HSPH1: variants seen among roughly 807,000 people sequenced by gnomAD.
The protein encoded by HSPH1 is heat shock protein 105 kDa.
In HSPH1, 40 loss-of-function variants were observed where a neutral mutation model predicts 100.0. That is an observed-to-expected ratio of 0.40 (90% CI 0.31 to 0.52). The LOEUF (loss-of-function observed/expected upper bound fraction) is 0.52, where lower values mean the gene tolerates loss of function less well. HSPH1 is among the 20% of genes least tolerant of loss of function. The pLI, the probability that HSPH1 is intolerant of heterozygous loss-of-function variation, is 0.54. For synonymous variants in HSPH1, 403 were observed against 344.0 expected, an observed-to-expected ratio of 1.17 and a Z score of -1.90; for missense variants, 876 against 1,015.1, an observed-to-expected ratio of 0.86 and a Z score of 1.86.
chr13:31,141,301 C>T, intron 12 of HSPH1, 42 bp from the exon 13 acceptor site: 1 of 1,534,354 alleles, frequency 6.5e-7, no homozygotes, highest in Non-Finnish European at 8.8e-7. Flanking sequence ...TTTAAACAAC[C>T]CACTTGGAAA....
intron 4 of HSPH1, among the ~76,000 whole-genome samples, chr13:31,153,662 T>C (rs1387795740): frequency 1.3e-5 from 2 of 152,122 alleles, no homozygotes; most frequent in East Asian, 3.8e-4. Context: ...ATCATTTAAG[T>C]GCAAAGTACC....
intron 7 of HSPH1, 25 bp from the exon 8 acceptor site, chr13:31,150,207 A>G (rs759407944): frequency 5.4e-6 from 8 of 1,470,738 alleles, no homozygotes; most frequent in Non-Finnish European, 6.5e-6. Context: ...ACTTGTTTTT[A>G]GAAAAGTTAA....
At position 31,149,913 on chromosome 13, in the gene HSPH1, T is replaced by TA. The variant is rs759625744; in HGVS notation, c.1137+40dup. The stretch of plus-strand genomic sequence containing the variant: ...ATGACGACATCCAGTGGAAACTGTT[T>TA]AAAGACTGTACACCAAGCAAAAGCA... On this transcript the variant is annotated intron_variant, in intron 8 of 17. Coordinates refer to ENST00000320027, the MANE Select transcript of HSPH1 (RefSeq NM_006644.4). The TA allele has an allele frequency of 6.6e-6, 10 of 1,504,582 alleles. No individual in the cohort carries two copies. In the African/African-American group the frequency reaches 9.6e-5, roughly 14 times the overall value. The allele number at this position is 1,504,582 out of a possible 1,614,324, so 93.2% of individuals were successfully genotyped here. A position where few individuals can be genotyped will look rare whatever the true frequency, so the allele number is the denominator to read the frequency against.
Position 31,138,543 on chromosome 13 carries a change from T to G in HSPH1, c.2234A>C (p.Glu745Ala). 2 of 1,611,236 alleles carry G rather than the reference T, an allele frequency of 1.2e-6. No homozygotes were observed. Among genetic ancestry groups the G allele is most frequent in the Non-Finnish European group, 1.7e-6 (2 of 1,178,852 alleles). ...CTTCTCCACTTTTTTCATTTCAGAC[T>G]CATCAATATGGTTGTATTTCTCATC... is the stretch of plus-strand genomic sequence containing the variant. ...NKDEKYNHID[E>A]SEMKKVEKSV... The change falls in exon 17 of 18, where the codon GAG (glutamate) becomes GCG (alanine). Residue 745 changes from glutamate (E) to alanine (A), a missense_variant. Glu to Ala is a moderately radical substitution (Grantham distance 107). Transcript: ENST00000320027.
At chr13:31,161,030 T>C (rs1593221685) in intron 1 of HSPH1, among the ~76,000 whole-genome samples, 1 of 152,060 alleles carries the variant, frequency 6.6e-6, no homozygotes, top group Admixed American at 6.5e-5. Context: ...TGCGCAAAGA[T>C]ATGCGCGAAG....
At position 31,141,119 on chromosome 13, in the gene HSPH1, T is replaced by C; in HGVS notation, c.1854+3A>G. 6.4e-7 allele frequency: 1 copy of C among 1,562,090 alleles called. No homozygotes were observed. The highest frequency in any genetic ancestry group is 8.7e-7 in the Non-Finnish European group (1 of 1,151,348). Reference sequence around the variant, plus strand: ...AATAAAAATATTTAATTGAAGTACTTACCTCTGTCTCAATATACATGTTAA... The same window carrying C: ...AATAAAAATATTTAATTGAAGTACTCACCTCTGTCTCAATATACATGTTAA... On this transcript the variant is annotated splice_donor_region_variant and intron_variant, in intron 13 of 17. Coordinates refer to ENST00000320027, the MANE Select transcript of HSPH1 (RefSeq NM_006644.4).
chr13:31,154,495 TG>T, intron 4 of HSPH1, 137 bp downstream of exon 4: 1 of 984,284 alleles, frequency 1.0e-6, no homozygotes, highest in Non-Finnish European at 1.6e-6. Context: ...TGTAATGCTC[TG>T]GAACACATGT....
chr13:31,150,327 CTT>C, intron 7 of HSPH1, 145 bp from the exon 8 acceptor site: 1 of 593,588 alleles, frequency 1.7e-6, no homozygotes, highest in South Asian at 2.2e-5. Flanking sequence ...GTTTATAGCT[CTT>C]TTGTTTTTGA....
Position 31,137,524 on chromosome 13 carries a change from C to A in HSPH1, c.2371G>T (p.Glu791Ter). 6.2e-7 allele frequency: 1 copy of A among 1,606,232 alleles called. No individual in the cohort carries two copies. The highest frequency in any genetic ancestry group is 1.7e-5 in the Admixed American group (1 of 58,204). Residue 791 changes from glutamate to a stop codon, truncating the protein, a stop_gained and splice_region_variant, in exon 18 of 18, where the codon GAA becomes TAA. Transcript: ENST00000320027. LOFTEE classifies it high-confidence loss of function. ...ACGGGTTCACATGTGTTGTTCAATT[C>A]CTAAAGAAAACAAAAACTAGTTATC... is the stretch of plus-strand genomic sequence containing the variant. ...RAQEIKTKIK[E>*]LNNTCEPVVT... is the part of the protein sequence containing the mutation.
Position 31,155,631 on chromosome 13 carries a change from C to T in HSPH1, c.189G>A (p.Thr63=), listed in dbSNP as rs780286979. Reference sequence around the variant, plus strand: ...CATGAAATCTTTTGAAGTTAGACACCGTATTGTTTGCATGAGTGATTTGCT... The same window carrying T: ...CATGAAATCTTTTGAAGTTAGACACTGTATTGTTTGCATGAGTGATTTGCT... ...KNQQITHANN[T]VSNFKRFHGR... Residue 63 remains threonine (T), a synonymous_variant, in exon 3 of 18, where the codon ACG becomes ACA. Coordinates refer to ENST00000320027, the MANE Select transcript of HSPH1 (RefSeq NM_006644.4). 35 of 1,605,106 alleles carry T rather than the reference C, an allele frequency of 2.2e-5. No individual in the cohort carries two copies. The highest frequency in any genetic ancestry group is 2.9e-5 in the Non-Finnish European group (34 of 1,176,170).
At chr13:31,143,081 A>G (rs1448347702) in intron 12 of HSPH1, among the ~76,000 whole-genome samples, 2 of 152,138 alleles carry the variant, frequency 1.3e-5, no homozygotes, top group Admixed American at 6.6e-5. Flanking sequence ...CCCTCAGAAT[A>G]TAAGAGAAAC....
At position 31,150,092 on chromosome 13, in the gene HSPH1, T is replaced by C; in HGVS notation, c.999A>G (p.Glu333=). 3.1e-6 allele frequency: 5 copies of C among 1,613,744 alleles called. No homozygotes were observed. Among genetic ancestry groups the C allele is most frequent in the Non-Finnish European group, 4.2e-6 (5 of 1,179,724 alleles). The change falls in exon 8 of 18, where the codon GAA becomes GAG. Residue 333 remains glutamate, a synonymous_variant. Coordinates refer to ENST00000320027, the MANE Select transcript of HSPH1 (RefSeq NM_006644.4). Reference sequence around the variant, plus strand: ...CAACAATCTCAACTGCACTCACATCTTCTACTTTGAGATGAGTTTGTTCCA... The same window carrying C: ...CAACAATCTCAACTGCACTCACATCCTCTACTTTGAGATGAGTTTGTTCCA... ...SLLEQTHLKV[E]DVSAVEIVGG...
Position 31,155,619 on chromosome 13 carries a change from G to T in HSPH1, c.201C>A (p.Phe67Leu). 1 of 1,611,718 alleles carries T rather than the reference G, an allele frequency of 6.2e-7. No homozygotes were observed. Among genetic ancestry groups the T allele is most frequent in the South Asian group, 1.1e-5 (1 of 90,562 alleles). Residue 67 changes from phenylalanine (F) to leucine (L), a missense_variant, in exon 3 of 18, where the codon TTC (phenylalanine) becomes TTA (leucine). Transcript: ENST00000320027. ...TGAATGCTCGGCCATGAAATCTTTT[G>T]AAGTTAGACACCGTATTGTTTGCAT... ...ITHANNTVSN[F>L]KRFHGRAFND...
chr13:31,138,519 T>A lies in HSPH1; in HGVS notation c.2258A>T (p.Lys753Met), dbSNP rs1198516677. 6.2e-7 allele frequency: 1 copy of A among 1,613,006 alleles called. No individual in the cohort carries two copies. ...IDESEMKKVE[K>M]SVNEVMEWMN... ...CCATTCCATCACTTCATTAACAGAC[T>A]TCTCCACTTTTTTCATTTCAGACTC... Residue 753 changes from lysine to methionine, a missense_variant, in exon 17 of 18, where the codon AAG (lysine) becomes ATG (methionine). Lys to Met is a moderately conservative substitution (Grantham distance 95). Transcript: ENST00000320027.
At position 31,151,194 on chromosome 13, in the gene HSPH1, A is replaced by G; in HGVS notation, c.664-3T>C. 6.3e-7 allele frequency: 1 copy of G among 1,594,794 alleles called. No homozygotes were observed. Among genetic ancestry groups the G allele is most frequent in the Non-Finnish European group, 8.5e-7 (1 of 1,170,388 alleles). On this transcript the variant is annotated splice_region_variant and splice_polypyrimidine_tract_variant and intron_variant, in intron 6 of 17. Transcript: ENST00000320027. The stretch of plus-strand genomic sequence containing the variant: ...GGATCAAAAGCTGTTCCCAGTACCT[A>G]ATTTGGTTGAAACAACAAATAGTCT...
In HSPH1 at chr13:31,151,740, C is replaced by A. The variant is rs1426735937; in HGVS notation, c.532G>T (p.Ala178Ser). ...LRLMNDMTAV[A>S]LNYGIYKQDL... ...TGCTTATAAATTCCGTAATTCAAAG[C>A]AACTACAAAAAATAAGTATGTTTCA... Residue 178 changes from alanine (A) to serine (S), a missense_variant and splice_region_variant, in exon 6 of 18, where the codon GCT (alanine) becomes TCT (serine). Ala to Ser is a moderately conservative substitution (Grantham distance 99). Transcript: ENST00000320027. 1 of 1,599,046 alleles carries A rather than the reference C, an allele frequency of 6.3e-7. No individual in the cohort carries two copies. The highest frequency in any genetic ancestry group is 1.8e-5 in the Admixed American group (1 of 56,046).
At chr13:31,154,925 A>G (rs1956625835) in intron 3 of HSPH1, among the ~76,000 whole-genome samples, 170 bp from the exon 4 acceptor site, 1 of 152,004 alleles carries the variant, frequency 6.6e-6, no homozygotes, top group Non-Finnish European at 1.5e-5. Flanking sequence ...GGAAGGAGGG[A>G]AGGGGGAGAG....
chr13:31,155,541 T>A lies in HSPH1; in HGVS notation c.279A>T (p.Pro93=). Residue 93 remains proline, a synonymous_variant, in exon 3 of 18, where the codon CCA becomes CCT. Coordinates refer to ENST00000320027, the MANE Select transcript of HSPH1 (RefSeq NM_006644.4). ...TTATTCCAACTCCACCATTTTTCAA[T>A]GGAACCAAATCGTAACTCAAGTTTT... The part of the protein sequence containing the change: ...EKENLSYDLV[P]LKNGGVGIKV... 1 of 1,611,268 alleles carries A rather than the reference T, an allele frequency of 6.2e-7. No homozygotes were observed. The highest frequency in any genetic ancestry group is 8.5e-7 in the Non-Finnish European group (1 of 1,178,512).
chr13:31,158,784 C>A, intron 2 of HSPH1, 22 bp downstream of exon 2: 1 of 1,550,050 alleles, frequency 6.5e-7, no homozygotes, highest in South Asian at 1.1e-5. Context: ...AAAAGTGATC[C>A]GAATTCTCTT....
Sources: gnomAD v4.1 joint callset for allele counts (sites outside exome capture counted in the v4.1 genomes callset) on GRCh38, gnomAD v4.1.1 for gene constraint, MANE v1.5 for transcripts, NCBI Gene and HGNC (gene_info 2026-07-23, HGNC 2026-07-21) for gene names.